The following AK6 variants were observed in gnomAD, a reference collection of about 807,000 sequenced individuals.
AK6 encodes the protein adenylate kinase isoenzyme 6.
Under a neutral mutation model 23.7 loss-of-function variants are expected in AK6, and 24 were observed. The ratio of observed to expected loss-of-function variants is 1.01; its 90% CI spans 0.73 to 1.43. AK6 has a LOEUF of 1.43. AK6 is among the 40% of genes most tolerant of loss of function. AK6 has a pLI of 0.00. For missense variants in AK6, 191 were observed against 199.1 expected, an observed-to-expected ratio of 0.96 and a Z score of 0.24; for synonymous variants, 73 against 69.8, an observed-to-expected ratio of 1.05 and a Z score of -0.23.
At chr5:69,352,788 T>C (rs1016299385) in intron 4 of AK6, among the ~76,000 whole-genome samples, 1 of 152,136 alleles carries the variant, frequency 6.6e-6, no homozygotes, top group Non-Finnish European at 1.5e-5. Flanking sequence ...AGAACCCTCA[T>C]ACACAGTGTG....
chr5:69,369,541 A>C, upstream of AK6: 1 of 1,610,490 alleles, frequency 6.2e-7, no homozygotes, highest in Non-Finnish European at 8.5e-7. Context: ...CCTTTGCTCT[A>C]CAGGGAGGAG....
At chr5:69,363,863 A>T (rs1762311735) in intron 2 of AK6, among the ~76,000 whole-genome samples, 1 of 152,126 alleles carries the variant, frequency 6.6e-6, no homozygotes, top group South Asian at 2.1e-4. Flanking sequence ...CGAGGTGGGC[A>T]GATCACTTGA....
In AK6 at chr5:69,350,988, G is replaced by A. The variant is rs1049475588; in HGVS notation, c.*1073C>T. 6 of 152,164 alleles carry A rather than the reference G, an allele frequency of 3.9e-5. No individual in the cohort carries two copies. The highest frequency in any genetic ancestry group is 1.4e-4 in the African/African-American group (6 of 41,428). The allele number at this position is 152,164 out of a possible 1,614,324, so 9.4% of individuals were successfully genotyped here. On this transcript the variant is annotated 3_prime_UTR_variant, in exon 5 of 5. Coordinates refer to ENST00000380822, the MANE Select transcript of AK6 (RefSeq NM_016283.5). ...AACTGGACACAAAAGGCCACATACT[G>A]TATAATCCCATTTATATGAAATATC...
chr5:69,369,528 T>A (rs766708460), upstream of AK6: 3 of 1,611,176 alleles, frequency 1.9e-6, no homozygotes, highest in Admixed American at 5.0e-5. Context: ...CTCGCTCACG[T>A]GCCCTTTGCT....
rs532615990 is a variant in AK6, at chr5:69,362,369, T to C, written c.121+4134A>G. ...TTGAGAATCACTTCATTATAGATGA[T>C]TGCCTGGTTTCCCTTAAAAATATAT... On this transcript the variant is annotated intron_variant, in intron 2 of 4. Transcript: ENST00000380822. Among the ~76,000 whole-genome samples, 15 of 152,264 alleles carry C rather than the reference T, an allele frequency of 9.9e-5. No homozygotes were observed. The East Asian group carries it at 2.9e-3, about 29-fold the overall frequency.
In AK6 at chr5:69,352,028, CAA is replaced by C; in HGVS notation, c.*31_*32del. 1 of 1,553,374 alleles carries C rather than the reference CAA, an allele frequency of 6.4e-7. No individual in the cohort carries two copies. Among genetic ancestry groups the C allele is most frequent in the Non-Finnish European group, 8.7e-7 (1 of 1,147,094 alleles). Reference sequence around the variant, plus strand: ...TCTATGATGTCGGCAGAGATATCAACAAGAGTGATTATTAAGTAGCTAGCCTT... The same window carrying C: ...TCTATGATGTCGGCAGAGATATCAACGAGTGATTATTAAGTAGCTAGCCTT... On this transcript the variant is annotated 3_prime_UTR_variant, in exon 5 of 5. Coordinates refer to ENST00000380822, the MANE Select transcript of AK6 (RefSeq NM_016283.5).
intron 4 of AK6, among the ~76,000 whole-genome samples, chr5:69,352,673 G>A (rs1761978745): frequency 6.6e-6 from 1 of 152,198 alleles, no homozygotes; most frequent in African/African-American, 2.4e-5. Context: ...TAGCTGTATA[G>A]GAAATGCAAA....
chr5:69,369,628 C>T (rs1323661431), upstream of AK6: 1 of 1,569,300 alleles, frequency 6.4e-7, no homozygotes, highest in East Asian at 2.4e-5. Flanking sequence ...TAGCCTGCCC[C>T]GGCGGCCCAG....
chr5:69,352,071 T>C lies in AK6; in HGVS notation c.509A>G (p.His170Arg), dbSNP rs759121216. Reference protein sequence around the residue: ...LKWIEQWIKDHNS With the variant: ...LKWIEQWIKDRNS ...AGCTAGCCTTATAAGTCAAGAGTTA[T>C]GATCTTTGATCCACTGCTCAATCCA... Residue 170 changes from histidine to arginine, a missense_variant, in exon 5 of 5, where the codon CAT becomes CGT. Coordinates refer to ENST00000380822, the MANE Select transcript of AK6 (RefSeq NM_016283.5). The C allele has an allele frequency of 6.2e-6, 10 of 1,608,982 alleles. No homozygotes were observed. Among genetic ancestry groups the C allele is most frequent in the South Asian group, 2.2e-5 (2 of 90,566 alleles).
rs774148828 is a variant in AK6 at position 69,365,299 on chromosome 5, G to A, written c.121+1204C>T. ...CTAGTAACTGAACCAACACTTAACC[G>A]CGGGACTGTTATTCTTCCCGCAGAA... On this transcript the variant is annotated intron_variant, in intron 2 of 4. Transcript: ENST00000380822. 9 of 1,614,054 alleles carry A rather than the reference G, an allele frequency of 5.6e-6. No homozygotes were observed. Among genetic ancestry groups the A allele is most frequent in the Admixed American group, 1.7e-5 (1 of 59,996 alleles).
chr5:69,357,232 G>A (rs75733638), intron 2 of AK6, among the ~76,000 whole-genome samples: 1,699 of 152,302 alleles, frequency 0.011, 18 homozygotes, highest in Non-Finnish European at 0.017. Context: ...TCTGTGGACT[G>A]ATTCTAGGCA....
intron 2 of AK6, chr5:69,365,698 T>C: frequency 6.3e-7 from 1 of 1,587,732 alleles, no homozygotes; most frequent in Non-Finnish European, 8.6e-7. Flanking sequence ...TGTGCATCTT[T>C]CGGCATGCTC....
At position 69,355,973 on chromosome 5, in the gene AK6, G is replaced by A. The variant is rs1762074934; in HGVS notation, c.122-20C>T. On this transcript the variant is annotated intron_variant, in intron 2 of 4. Coordinates refer to ENST00000380822, the MANE Select transcript of AK6 (RefSeq NM_016283.5). ...ATTGCTCTAAAAGAGATTTAGAATT[G>A]CTTGTTGAAATATTTTCTAAGTAAC... 1 of 1,576,786 alleles carries A rather than the reference G, an allele frequency of 6.3e-7. No homozygotes were observed. The highest frequency in any genetic ancestry group is 8.6e-7 in the Non-Finnish European group (1 of 1,165,730).
At position 69,351,930 on chromosome 5, in the gene AK6, T is replaced by A. The variant is rs1279957278; in HGVS notation, c.*131A>T. The stretch of plus-strand genomic sequence containing the variant: ...TCATGGAGAAAAAGAAACACAGGCA[T>A]AAACCTATATACTATCCACCTGCTG... On this transcript the variant is annotated 3_prime_UTR_variant, in exon 5 of 5. Transcript: ENST00000380822. The A allele has an allele frequency of 1.8e-6, 1 of 567,840 alleles. No homozygotes were observed. The highest frequency in any genetic ancestry group is 1.9e-5 in the African/African-American group (1 of 52,358). 35.2% of individuals were successfully genotyped at this position (567,840 alleles called of 1,614,324 possible).
intron 1 of AK6, chr5:69,369,261 C>T (rs1762725714): frequency 3.5e-6 from 1 of 287,908 alleles, no homozygotes; most frequent in Non-Finnish European, 6.4e-6. Context: ...CTCAGGCCAA[C>T]GGAATTAACG....
chr5:69,369,375 A>AG (rs1762741396), intron 1 of AK6, 88 bp downstream of exon 1: 4 of 1,475,346 alleles, frequency 2.7e-6, no homozygotes, highest in Admixed American at 4.0e-5. Context: ...GAGGGCAGTG[A>AG]GGGGCCCCCA....
chr5:69,367,342 C>T (rs944748944), intron 1 of AK6, among the ~76,000 whole-genome samples: 2 of 151,594 alleles, frequency 1.3e-5, no homozygotes, highest in Non-Finnish European at 2.9e-5. Context: ...GAAACTACAT[C>T]TCTATTAAAA....
At chr5:69,365,538 T>C (rs1215579147) in intron 2 of AK6, 1 of 1,613,870 alleles carries the variant, frequency 6.2e-7, no homozygotes, top group Non-Finnish European at 8.5e-7. Context: ...ATCATCTGCA[T>C]CAACAGTAGC....
chr5:69,365,828 C>A, intron 2 of AK6: 1 of 1,138,434 alleles, frequency 8.8e-7, no homozygotes, highest in Non-Finnish European at 1.2e-6. Flanking sequence ...CTGTCAGGAA[C>A]TTAAAAAAAT....
Sources: gnomAD v4.1 joint callset for allele counts (sites outside exome capture counted in the v4.1 genomes callset) on GRCh38, gnomAD v4.1.1 for gene constraint, MANE v1.5 for transcripts, NCBI Gene and HGNC (gene_info 2026-07-23, HGNC 2026-07-21) for gene names.